HLCS: variants seen among roughly 807,000 people sequenced by gnomAD.
The protein encoded by HLCS is holocarboxylase synthetase.
Under a neutral mutation model 75.0 loss-of-function variants are expected in HLCS, and 53 were observed. The ratio of observed to expected loss-of-function variants is 0.71; its 90% CI spans 0.57 to 0.89. The LOEUF (loss-of-function observed/expected upper bound fraction) is 0.89. Ranked by LOEUF, HLCS falls within the 40% of genes least tolerant of loss-of-function variation. The pLI is 0.00. For missense variants in HLCS, 966 were observed against 1,074.0 expected, an observed-to-expected ratio of 0.90 and a Z score of 1.41; for synonymous variants, 431 against 428.6, an observed-to-expected ratio of 1.01 and a Z score of -0.07.
chr21:36,847,944 A>G (rs992399846), intron 6 of HLCS, among the ~76,000 whole-genome samples: 1 of 152,208 alleles, frequency 6.6e-6, no homozygotes, highest in Non-Finnish European at 1.5e-5. Context: ...GTCATACAAT[A>G]GGTATTGTTT....
At chr21:36,989,955 A>G (rs942161220) in intron 1 of HLCS, among the ~76,000 whole-genome samples, 12 of 152,094 alleles carry the variant, frequency 7.9e-5, no homozygotes, top group Admixed American at 2.6e-4. Flanking sequence ...CGAGGTCCCT[A>G]TGGCTGCTCC....
chr21:36,910,887 G>GCTGC (rs2065676328), intron 5 of HLCS, among the ~76,000 whole-genome samples: 1 of 152,130 alleles, frequency 6.6e-6, no homozygotes, highest in Non-Finnish European at 1.5e-5. Flanking sequence ...CCCACCCTGT[G>GCTGC]TTCTGCCACT....
At chr21:36,926,149 T>G (rs1174920553) in intron 5 of HLCS, among the ~76,000 whole-genome samples, 4 of 152,180 alleles carry the variant, frequency 2.6e-5, no homozygotes, top group Non-Finnish European at 5.9e-5. Context: ...GAGGAAGCCA[T>G]GGAGAGGTCC....
chr21:36,802,834 G>A (rs531034564), intron 6 of HLCS, among the ~76,000 whole-genome samples: 23 of 152,280 alleles, frequency 1.5e-4, no homozygotes, highest in Admixed American at 4.6e-4. Flanking sequence ...CTGAGAGCAG[G>A]CTTTCACCAG....
intron 6 of HLCS, among the ~76,000 whole-genome samples, chr21:36,778,251 G>A (rs1275035254): frequency 7.9e-5 from 12 of 151,984 alleles, no homozygotes; most frequent in Admixed American, 5.9e-4. Context: ...TTACAGGCGT[G>A]AGCCACTGTG....
Position 36,749,870 on chromosome 21 carries a change from T to C in HLCS, c.*4376A>G, listed in dbSNP as rs150097027. On this transcript the variant is annotated 3_prime_UTR_variant, in exon 11 of 11. Transcript: ENST00000674895. ...AATCAAGGCTATCGGAGCAGTTCAATAACAAAGGTTACTGTTGAGAAAAAA... is the reference window on the plus strand; with the variant it reads ...AATCAAGGCTATCGGAGCAGTTCAACAACAAAGGTTACTGTTGAGAAAAAA... 429 of 152,334 alleles carry C rather than the reference T, an allele frequency of 2.8e-3. 2 individuals carry two copies. Among genetic ancestry groups the C allele is most frequent in the African/African-American group, 9.9e-3 (412 of 41,570 alleles). The allele number at this position is 152,334 out of a possible 1,614,324, so 9.4% of individuals were successfully genotyped here. A position where few individuals can be genotyped will look rare whatever the true frequency, so the allele number is the denominator to read the frequency against.
chr21:36,787,982 C>T (rs1222314078), intron 6 of HLCS, among the ~76,000 whole-genome samples: 1 of 152,212 alleles, frequency 6.6e-6, no homozygotes, highest in African/African-American at 2.4e-5. Flanking sequence ...CTTTGCTCTG[C>T]ATCCCTCTGG....
At chr21:36,895,024 TGCTGCCCTCTTGGTGACGC>T (rs3840081) in intron 6 of HLCS, among the ~76,000 whole-genome samples, 1,646 of 152,042 alleles carry the variant, frequency 0.011, 16 homozygotes, top group Non-Finnish European at 0.014. Context: ...TCAGGGCGTG[TGCTGCCCTCTTGGTGACGC>T]GCTGCCCTCT....
intron 5 of HLCS, among the ~76,000 whole-genome samples, chr21:36,917,068 T>G (rs552633917): frequency 6.6e-6 from 1 of 152,300 alleles, no homozygotes; most frequent in South Asian, 2.1e-4. Flanking sequence ...CTTATAGGGT[T>G]GGTGTATGAC....
chr21:36,805,254 TTCTC>T (rs148107368), intron 6 of HLCS, among the ~76,000 whole-genome samples: 1,726 of 152,234 alleles, frequency 0.011, 26 homozygotes, highest in African/African-American at 0.039. Flanking sequence ...AAAAAAAAAT[TTCTC>T]TCTCGGTTAA....
At chr21:36,883,219 A>G (rs767577722) in intron 6 of HLCS, among the ~76,000 whole-genome samples, 1 of 152,234 alleles carries the variant, frequency 6.6e-6, no homozygotes, top group Non-Finnish European at 1.5e-5. Flanking sequence ...GGGGCAGGTG[A>G]AAGCAAATCA....
At chr21:36,961,971 A>G (rs2068317626) in intron 2 of HLCS, 65 bp downstream of exon 2, 22 of 1,093,502 alleles carry the variant, frequency 2.0e-5, no homozygotes, top group Non-Finnish European at 2.5e-5. Flanking sequence ...AAAAAAAAAA[A>G]GCAAATTTGG....
intron 8 of HLCS, among the ~76,000 whole-genome samples, chr21:36,762,358 GGGGTGTGT>G (rs1042821118): frequency 6.6e-5 from 10 of 152,192 alleles, no homozygotes; most frequent in Non-Finnish European, 1.5e-5. Context: ...AGCAGGGGTA[GGGGTGTGT>G]GGGTGGAGGG....
At chr21:36,927,082 G>C (rs150808448) in intron 5 of HLCS, among the ~76,000 whole-genome samples, 2 of 152,188 alleles carry the variant, frequency 1.3e-5, no homozygotes, top group Admixed American at 1.3e-4. Flanking sequence ...TGTGGTAAAC[G>C]TGTGTTTGTG....
intron 6 of HLCS, among the ~76,000 whole-genome samples, chr21:36,894,785 G>A (rs1439610644): frequency 1.3e-5 from 2 of 151,702 alleles, no homozygotes; most frequent in Admixed American, 1.3e-4. Flanking sequence ...CTCTAGTGTT[G>A]GCAAGCTCAG....
intron 6 of HLCS, among the ~76,000 whole-genome samples, chr21:36,815,784 A>C (rs886367806): frequency 4.6e-5 from 7 of 152,222 alleles, no homozygotes; most frequent in Non-Finnish European, 1.0e-4. Context: ...GAGTGTTTAC[A>C]TAGACCAAGG....
chr21:36,801,977 T>C (rs766168041), intron 6 of HLCS, among the ~76,000 whole-genome samples: 1 of 152,192 alleles, frequency 6.6e-6, no homozygotes, highest in Non-Finnish European at 1.5e-5. Flanking sequence ...ATATGATATA[T>C]ATAATATTCT....
intron 6 of HLCS, among the ~76,000 whole-genome samples, chr21:36,865,288 T>C (rs984424757): frequency 6.6e-6 from 1 of 152,122 alleles, no homozygotes; most frequent in Non-Finnish European, 1.5e-5. Context: ...GGAATGGCTC[T>C]GAGGCAGGTT....
intron 6 of HLCS, among the ~76,000 whole-genome samples, chr21:36,882,463 T>C (rs944197856): frequency 6.6e-6 from 1 of 151,576 alleles, no homozygotes; most frequent in Non-Finnish European, 1.5e-5. Flanking sequence ...GTTTTTGAAA[T>C]AGAGTCTCAC....
Sources: gnomAD v4.1 joint callset for allele counts (sites outside exome capture counted in the v4.1 genomes callset) on GRCh38, gnomAD v4.1.1 for gene constraint, MANE v1.5 for transcripts, NCBI Gene and HGNC (gene_info 2026-07-23, HGNC 2026-07-21) for gene names.